The following ADTRP variants were observed in gnomAD, a reference collection of about 807,000 sequenced individuals.
ADTRP encodes androgen-dependent TFPI-regulating protein.
Under a neutral mutation model 27.0 loss-of-function variants are expected in ADTRP, and 20 were observed. The ratio of observed to expected loss-of-function variants is 0.74; its 90% confidence interval spans 0.52 to 1.08. The LOEUF is 1.08. Among genes scored for constraint, ADTRP ranks in the 50% least tolerant of loss-of-function variants. The probability of loss-of-function intolerance (pLI) is 0.00; values close to 1 mark genes in which losing one functional copy is unlikely to be tolerated. For missense variants in ADTRP, 251 were observed against 275.0 expected (o/e 0.91, Z 0.62); for synonymous variants, 101 against 105.2 (o/e 0.96, Z 0.25).
chr6:11,771,881 A>G (rs898835923), intron 1 of ADTRP, among the ~76,000 whole-genome samples: 1 of 152,192 alleles, frequency 6.6e-6, no homozygotes, highest in Non-Finnish European at 1.5e-5. Flanking sequence ...AGCCAAGGAC[A>G]GAGGCCTCAG....
intron 4 of ADTRP, among the ~76,000 whole-genome samples, chr6:11,732,198 C>T (rs2113894426): frequency 6.6e-6 from 1 of 152,322 alleles, no homozygotes; most frequent in South Asian, 2.1e-4. Flanking sequence ...GTAAGGCGGT[C>T]CCCACGGTCT....
At chr6:11,723,836 A>G (rs1234800001) in intron 4 of ADTRP, among the ~76,000 whole-genome samples, 1 of 152,168 alleles carries the variant, frequency 6.6e-6, no homozygotes, top group East Asian at 1.9e-4. Flanking sequence ...AGGGGGGTGG[A>G]TCACCTGAGG....
intron 1 of ADTRP, among the ~76,000 whole-genome samples, chr6:11,769,863 G>C (rs1763707459): frequency 6.6e-6 from 1 of 152,132 alleles, no homozygotes; most frequent in Non-Finnish European, 1.5e-5. Context: ...TGAGACCCAA[G>C]TTTAGCCCTC....
intron 3 of ADTRP, among the ~76,000 whole-genome samples, chr6:11,749,453 C>T (rs1762971305): frequency 6.6e-6 from 1 of 152,096 alleles, no homozygotes; most frequent in South Asian, 2.1e-4. Context: ...CTGAGCTAGA[C>T]ACTCAGCACA....
chr6:11,774,345 C>CAATAAATAAATAA (rs1554116606), intron 1 of ADTRP, among the ~76,000 whole-genome samples: 1 of 42,124 alleles, frequency 2.4e-5, no homozygotes, highest in Non-Finnish European at 5.2e-5. Flanking sequence ...TAAATAGTGC[C>CAATAAATAAATAA]ATAGATTATT....
At chr6:11,760,733 T>G (rs1160149772) in intron 3 of ADTRP, among the ~76,000 whole-genome samples, 1 of 152,236 alleles carries the variant, frequency 6.6e-6, no homozygotes, top group Non-Finnish European at 1.5e-5. Flanking sequence ...CATTATCTAA[T>G]AGGCATCTAA....
chr6:11,763,766 G>A (rs1036700997), intron 3 of ADTRP, among the ~76,000 whole-genome samples: 1 of 152,196 alleles, frequency 6.6e-6, no homozygotes, highest in African/African-American at 2.4e-5. Flanking sequence ...TTAATAGTGA[G>A]GACAGAAAAT....
intron 3 of ADTRP, among the ~76,000 whole-genome samples, chr6:11,754,408 TA>T (rs1763150508): frequency 6.6e-6 from 1 of 152,240 alleles, no homozygotes; most frequent in Admixed American, 6.5e-5. Context: ...CTTCTCTATA[TA>T]AATGGACTTG....
intron 1 of ADTRP, among the ~76,000 whole-genome samples, chr6:11,769,417 G>T (rs1763690363): frequency 6.6e-6 from 1 of 152,154 alleles, no homozygotes; most frequent in Non-Finnish European, 1.5e-5. Flanking sequence ...GCTGCTCCTG[G>T]GCTGAGGGCG....
chr6:11,770,570 A>G (rs742225), intron 1 of ADTRP, among the ~76,000 whole-genome samples: 96,527 of 151,736 alleles, frequency 0.64, 30,977 homozygotes, highest in East Asian at 0.77. Flanking sequence ...GAGCCAGAAG[A>G]TAGGAAATCA....
At chr6:11,715,197 TCTC>T (rs2308116) in intron 5 of ADTRP, among the ~76,000 whole-genome samples, 49,766 of 151,792 alleles carry the variant, frequency 0.33, 11,572 homozygotes, top group East Asian at 0.69. Context: ...TTTAAAAACT[TCTC>T]CTCCATTCCA....
At chr6:11,762,326 T>C (rs1335042895) in intron 3 of ADTRP, among the ~76,000 whole-genome samples, 1 of 152,234 alleles carries the variant, frequency 6.6e-6, no homozygotes, top group Non-Finnish European at 1.5e-5. Context: ...GCCACTGCCT[T>C]GTGTAAGCAT....
intron 3 of ADTRP, among the ~76,000 whole-genome samples, 165 bp downstream of exon 3, chr6:11,766,109 G>A (rs1448872561): frequency 2.0e-5 from 3 of 152,186 alleles, no homozygotes; most frequent in Non-Finnish European, 4.4e-5. Flanking sequence ...TTATAGCACT[G>A]GCTTGTGTTC....
At chr6:11,729,633 G>T (rs913326853) in intron 4 of ADTRP, among the ~76,000 whole-genome samples, 6 of 152,130 alleles carry the variant, frequency 3.9e-5, no homozygotes, top group African/African-American at 1.4e-4. Context: ...TCTTGAGACT[G>T]CAGGGTCTGA....
intron 5 of ADTRP, chr6:11,717,347 C>T: frequency 7.7e-7 from 1 of 1,304,260 alleles, no homozygotes; most frequent in African/African-American, 1.5e-5. Context: ...CTGGTGACTT[C>T]CAATCGGGCC....
intron 3 of ADTRP, among the ~76,000 whole-genome samples, chr6:11,764,447 T>C (rs747145519): frequency 1.3e-5 from 2 of 152,208 alleles, no homozygotes; most frequent in African/African-American, 2.4e-5. Flanking sequence ...TATAAGACTC[T>C]GCTTTGTTAT....
At position 11,723,547 on chromosome 6, in the gene ADTRP, C is replaced by G. The variant is rs556080242; in HGVS notation, c.507-47G>C. The G allele has an allele frequency of 4.6e-5, 74 of 1,603,118 alleles. No individual in the cohort carries two copies. The East Asian group carries it at 1.6e-3, about 35-fold the overall frequency. On this transcript the variant is annotated intron_variant, in intron 4 of 5. Coordinates refer to ENST00000414691, the MANE Select transcript of ADTRP (RefSeq NM_032744.4). Reference sequence around the variant, plus strand: ...GGTGGTTATAGCAGGAGGAGAAAAACAAGCCATTTTCTCATCAGGATTAAT... The same window carrying G: ...GGTGGTTATAGCAGGAGGAGAAAAAGAAGCCATTTTCTCATCAGGATTAAT...
At chr6:11,738,314 C>G (rs766593666) in intron 3 of ADTRP, among the ~76,000 whole-genome samples, 3 of 152,132 alleles carry the variant, frequency 2.0e-5, no homozygotes. Flanking sequence ...GGCTCCCTCC[C>G]CAGCCCACAG....
intron 3 of ADTRP, among the ~76,000 whole-genome samples, chr6:11,752,990 T>G (rs1763105299): frequency 6.6e-6 from 1 of 152,200 alleles, no homozygotes; most frequent in Non-Finnish European, 1.5e-5. Context: ...TGCGGAGAAT[T>G]AAGGATGGTA....
Sources: allele counts gnomAD v4.1 joint callset (sites outside exome capture counted in the v4.1 genomes callset), GRCh38; gene constraint gnomAD v4.1.1; transcripts MANE v1.5; gene names NCBI Gene and HGNC (gene_info 2026-07-23, HGNC 2026-07-21).